Variants in DNAI4 observed in about 807,000 individuals in gnomAD.
DNAI4 encodes the protein WD repeat domain 78.
In DNAI4, 85 loss-of-function variants were observed where a neutral mutation model predicts 105.8. That is an observed-to-expected ratio of 0.80 (90% CI 0.67 to 0.96). The LOEUF (loss-of-function observed/expected upper bound fraction) is 0.96, where lower values mean the gene tolerates loss of function less well. Ranked by LOEUF, DNAI4 falls within the 40% of genes least tolerant of loss-of-function variation. The probability of loss-of-function intolerance (pLI) is 0.00; values close to 1 mark genes in which losing one functional copy is unlikely to be tolerated. For synonymous variants in DNAI4, 352 were observed against 331.5 expected (o/e 1.06, Z -0.67); for missense variants, 1,014 against 1,005.6 (o/e 1.01, Z -0.11).
intron 1 of DNAI4, among the ~76,000 whole-genome samples, chr1:66,909,921 G>C (rs1569872973): frequency 6.6e-6 from 1 of 152,110 alleles, no homozygotes; most frequent in Non-Finnish European, 1.5e-5. Flanking sequence ...CACCACTCTT[G>C]TTGCTACCAT....
chr1:66,839,616 G>T (rs1283517196), intron 9 of DNAI4, among the ~76,000 whole-genome samples: 1 of 152,162 alleles, frequency 6.6e-6, no homozygotes, highest in African/African-American at 2.4e-5. Flanking sequence ...CTGAAAAATT[G>T]TTGGAATTGT....
At chr1:66,827,696 T>C (rs558900414) in intron 14 of DNAI4, 116 bp downstream of exon 14, 5 of 491,942 alleles carry the variant, frequency 1.0e-5, no homozygotes, top group South Asian at 5.5e-5. Flanking sequence ...TAATTCAAGA[T>C]GGTATTTTTA....
rs562137704 is a variant in DNAI4 at position 66,838,059 on chromosome 1, T to C, written c.1495-263A>G. ...CCAATTGCTAACAAGTTCTTTTACA[T>C]ATTGAGGTAGTCTTCTGAGATTGTA... On this transcript the variant is annotated intron_variant, in intron 9 of 16. Transcript: ENST00000371026. Among the ~76,000 whole-genome samples the C allele has an allele frequency of 1.5e-4, 23 of 152,334 alleles. No individual in the cohort carries two copies. The South Asian group carries it at 4.6e-3, about 30-fold the overall frequency.
At chr1:66,851,944 A>G (rs1289688401) in intron 7 of DNAI4, among the ~76,000 whole-genome samples, 1 of 152,024 alleles carries the variant, frequency 6.6e-6, no homozygotes, top group Non-Finnish European at 1.5e-5. Flanking sequence ...AAATGAAGTT[A>G]GAAACAAGTC....
rs572432431 is a variant in DNAI4 at position 66,872,005 on chromosome 1, T to C, written c.801-496A>G. 1.6e-3 allele frequency among the ~76,000 whole-genome samples: 244 copies of C among 152,260 alleles called. 1 individual carries two copies. The highest frequency in any genetic ancestry group is 6.8e-3 in the Middle Eastern group (2 of 294). On this transcript the variant is annotated intron_variant, in intron 5 of 16. Transcript: ENST00000371026. ...TAATTTTTTATAAATGCTGCATGTG[T>C]GCTGAAAGAGAATGTGTTCTCTAAT...
chr1:66,861,720 T>A (rs1262315212), intron 7 of DNAI4, among the ~76,000 whole-genome samples: 2 of 152,106 alleles, frequency 1.3e-5, no homozygotes, highest in Non-Finnish European at 2.9e-5. Flanking sequence ...AACAAGAATG[T>A]CTCCAGACAT....
chr1:66,920,877 C>G (rs911439018), intron 1 of DNAI4, among the ~76,000 whole-genome samples: 4 of 152,222 alleles, frequency 2.6e-5, no homozygotes, highest in Admixed American at 2.6e-4. Context: ...TACAACTAAA[C>G]AGTAAACACA....
chr1:66,911,118 A>G (rs1649625862), intron 1 of DNAI4, among the ~76,000 whole-genome samples: 2 of 152,200 alleles, frequency 1.3e-5, no homozygotes, highest in African/African-American at 2.4e-5. Context: ...CCTGTTTCTG[A>G]ATGACCTGCT....
chr1:66,919,137 A>G (rs1650280665), intron 1 of DNAI4: 1 of 442,516 alleles, frequency 2.3e-6, no homozygotes, highest in Non-Finnish European at 4.6e-6. Context: ...TAAAACAAAG[A>G]CATGCCCTGA....
At chr1:66,834,982 A>G (rs544078443) in intron 11 of DNAI4, among the ~76,000 whole-genome samples, 3 of 152,232 alleles carry the variant, frequency 2.0e-5, no homozygotes, top group African/African-American at 4.8e-5. Flanking sequence ...AACATGCCCC[A>G]TTGGTATCTT....
chr1:66,814,118 A>C lies in DNAI4; in HGVS notation c.*12T>G. ...TTAAAACAACTACAAGAAAAATATT[A>C]GGAATGATGAATTATGCTGATTGGT... On this transcript the variant is annotated 3_prime_UTR_variant, in exon 17 of 17. Transcript: ENST00000371026. The C allele has an allele frequency of 6.3e-7, 1 of 1,585,408 alleles. No individual in the cohort carries two copies. The highest frequency in any genetic ancestry group is 8.5e-7 in the Non-Finnish European group (1 of 1,173,378).
At chr1:66,818,173 T>C (rs1645556232) in intron 16 of DNAI4, among the ~76,000 whole-genome samples, 1 of 152,024 alleles carries the variant, frequency 6.6e-6, no homozygotes, top group Non-Finnish European at 1.5e-5. Flanking sequence ...TTGCTTCTTA[T>C]ATAAATGTGT....
intron 3 of DNAI4, among the ~76,000 whole-genome samples, 184 bp downstream of exon 3, chr1:66,893,045 A>AAAAG (rs2100773850): frequency 1.6e-5 from 2 of 124,792 alleles, no homozygotes; most frequent in African/African-American, 7.0e-5. Flanking sequence ...GAAAGAAAGA[A>AAAAG]AGAAAGAAAG....
At chr1:66,858,286 T>C (rs1339321152) in intron 7 of DNAI4, among the ~76,000 whole-genome samples, 2 of 151,634 alleles carry the variant, frequency 1.3e-5, no homozygotes, top group East Asian at 3.9e-4. Flanking sequence ...TCCCAGCACT[T>C]TGGGAGGCCG....
At position 66,847,468 on chromosome 1, in the gene DNAI4, TA is replaced by T. The variant is rs779018175; in HGVS notation, c.1291+15del. 17 of 1,608,306 alleles carry T rather than the reference TA, an allele frequency of 1.1e-5. No individual in the cohort carries two copies. In the East Asian group the frequency reaches 1.6e-4, roughly 15 times the overall value. On this transcript the variant is annotated intron_variant, in intron 8 of 16. Coordinates refer to ENST00000371026, the MANE Select transcript of DNAI4 (RefSeq NM_024763.5). ...CAACTGCACCCAGCCTAAACATGTT[TA>T]TTTTTTTTAAATACCTTTTAAAACA...
intron 1 of DNAI4, among the ~76,000 whole-genome samples, chr1:66,923,043 A>C (rs975352683): frequency 6.6e-6 from 1 of 152,208 alleles, no homozygotes; most frequent in Non-Finnish European, 1.5e-5. Flanking sequence ...GCAGAGCTGA[A>C]AAATTCCTAT....
At chr1:66,854,131 C>A (rs1214428082) in intron 7 of DNAI4, among the ~76,000 whole-genome samples, 1 of 152,196 alleles carries the variant, frequency 6.6e-6, no homozygotes, top group Non-Finnish European at 1.5e-5. Flanking sequence ...GTTGCTCATG[C>A]CTGTAACCCC....
In DNAI4 at chr1:66,918,596, C is replaced by G. The variant is rs1650245587; in HGVS notation, c.170+6066G>C. Among the ~76,000 whole-genome samples, 3 of 152,178 alleles carry G rather than the reference C, an allele frequency of 2.0e-5. No individual in the cohort carries two copies. In the South Asian group the frequency reaches 6.2e-4, roughly 32 times the overall value. ...GACTTCAGAGTAATATAGCCTATAT[C>G]AATTTTTCCAGGGTTGTTCTTTTGT... On this transcript the variant is annotated intron_variant, in intron 1 of 16. Transcript: ENST00000371026.
intron 8 of DNAI4, among the ~76,000 whole-genome samples, chr1:66,842,779 A>C (rs2100493199): frequency 6.6e-6 from 1 of 152,326 alleles, no homozygotes; most frequent in Admixed American, 6.5e-5. Flanking sequence ...CAGCATGAAT[A>C]AGACTTCTTG....
Sources: allele counts gnomAD v4.1 joint callset (sites outside exome capture counted in the v4.1 genomes callset), GRCh38; gene constraint gnomAD v4.1.1; transcripts MANE v1.5; gene names NCBI Gene and HGNC (gene_info 2026-07-23, HGNC 2026-07-21).